RGS6: variants seen among roughly 807,000 people sequenced by gnomAD.
RGS6 encodes the protein regulator of G-protein signaling 6.
In RGS6, 30 loss-of-function variants were observed where a neutral mutation model predicts 78.5. The ratio of observed to expected loss-of-function variants is 0.38; its 90% CI spans 0.29 to 0.52. RGS6 has a LOEUF of 0.52. Among genes scored for constraint, RGS6 ranks in the 20% least tolerant of loss-of-function variants. The probability of loss-of-function intolerance (pLI) is 0.85; values close to 1 mark genes in which losing one functional copy is unlikely to be tolerated. For synonymous variants in RGS6, 206 were observed against 206.0 expected, an observed-to-expected ratio of 1.00 and a Z score of 0.00; for missense variants, 495 against 609.7, an observed-to-expected ratio of 0.81 and a Z score of 1.98.
chr14:72,421,850 A>T (rs1343110127), intron 3 of RGS6: 2 of 152,278 alleles, frequency 1.3e-5, no homozygotes, highest in African/African-American at 4.8e-5. Context: ...GGGCTGCAAG[A>T]AAGACTGGGC....
chr14:72,187,871 C>T (rs2097268328), intron 2 of RGS6, among the ~76,000 whole-genome samples: 1 of 141,908 alleles, frequency 7.0e-6, no homozygotes. Flanking sequence ...TGGTTATTTG[C>T]AGACATGTGT....
intron 2 of RGS6, among the ~76,000 whole-genome samples, chr14:72,170,799 A>G (rs1464205159): frequency 6.6e-6 from 1 of 152,248 alleles, no homozygotes; most frequent in African/African-American, 2.4e-5. Flanking sequence ...CTTAAAGATT[A>G]GCCTCTAAGG....
intron 2 of RGS6, among the ~76,000 whole-genome samples, chr14:72,050,892 C>G (rs2093192177): frequency 6.6e-6 from 1 of 152,156 alleles, no homozygotes; most frequent in South Asian, 2.1e-4. Flanking sequence ...GTCCTGGAAC[C>G]AATCCCCCAA....
At chr14:72,323,257 C>T (rs186763842) in intron 2 of RGS6, among the ~76,000 whole-genome samples, 70 of 152,048 alleles carry the variant, frequency 4.6e-4, no homozygotes, top group Non-Finnish European at 6.2e-4. Flanking sequence ...GAAAATATAA[C>T]TGAAGAGATC....
At chr14:72,360,890 T>G (rs1252482779) in intron 3 of RGS6, among the ~76,000 whole-genome samples, 1 of 152,094 alleles carries the variant, frequency 6.6e-6, no homozygotes. Flanking sequence ...TGGGGGTGGT[T>G]TCCTCCATGC....
At chr14:72,046,823 G>T (rs376352287) in intron 2 of RGS6, among the ~76,000 whole-genome samples, 1 of 152,108 alleles carries the variant, frequency 6.6e-6, no homozygotes, top group African/African-American at 2.4e-5. Context: ...ATGGCTCTTC[G>T]AGTACCAACA....
At chr14:72,141,728 C>A (rs2096541976) in intron 2 of RGS6, among the ~76,000 whole-genome samples, 1 of 151,994 alleles carries the variant, frequency 6.6e-6, no homozygotes, top group East Asian at 1.9e-4. Flanking sequence ...TGGCTGTGTC[C>A]CCAGCTGAGT....
At chr14:72,344,166 C>T (rs1034506302) in intron 2 of RGS6, among the ~76,000 whole-genome samples, 3 of 152,020 alleles carry the variant, frequency 2.0e-5, no homozygotes, top group Non-Finnish European at 4.4e-5. Context: ...GAAGGTCATT[C>T]TTGTCTGCTT....
intron 2 of RGS6, among the ~76,000 whole-genome samples, chr14:71,976,395 A>G (rs36187334): frequency 0.15 from 21,375 of 143,504 alleles, 1,977 homozygotes; most frequent in Non-Finnish European, 0.2. Context: ...ATATCTCCCA[A>G]TGCTATCCCT....
At chr14:72,093,092 C>T (rs755256235) in intron 2 of RGS6, among the ~76,000 whole-genome samples, 2 of 151,902 alleles carry the variant, frequency 1.3e-5, no homozygotes, top group Admixed American at 1.3e-4. Flanking sequence ...CAGCATTCAG[C>T]CCTGGAAGCA....
Position 72,383,473 on chromosome 14 carries a change from C to T in RGS6, c.184+31279C>T, listed in dbSNP as rs566987737. Among the ~76,000 whole-genome samples the T allele has an allele frequency of 1.4e-4, 22 of 152,068 alleles. No individual in the cohort carries two copies. The East Asian group carries it at 3.9e-3, about 27-fold the overall frequency. ...GTATTATTTTGGGTGTTGTGTGTCT[C>T]ACCCACACTGTCAAGATTCTGTAAA... On this transcript the variant is annotated intron_variant, in intron 3 of 17. Transcript: ENST00000553525.
At chr14:71,954,418 A>C (rs530919974) in intron 1 of RGS6, among the ~76,000 whole-genome samples, 96 of 151,656 alleles carry the variant, frequency 6.3e-4, no homozygotes, top group African/African-American at 2.3e-3. Flanking sequence ...TTTCAAGCTC[A>C]TGGAGTCTTA....
At chr14:72,541,031 GTGCACAAGAAAT>G in intron 17 of RGS6, 1 of 1,311,788 alleles carries the variant, frequency 7.6e-7, no homozygotes, top group Non-Finnish European at 1.0e-6. Flanking sequence ...ATTGAGCTCA[GTGCACAAGAAAT>G]ACTCAATCCC....
chr14:71,990,976 A>C, intron 2 of RGS6: 1 of 378,716 alleles, frequency 2.6e-6, no homozygotes, highest in South Asian at 2.0e-5. Flanking sequence ...ATCACTCACC[A>C]CTCTACGCAA....
chr14:72,559,314 A>AAAACT (rs1411441171), intron 17 of RGS6, among the ~76,000 whole-genome samples: 7 of 152,354 alleles, frequency 4.6e-5, no homozygotes, highest in Admixed American at 1.3e-4. Flanking sequence ...TTGATCACTG[A>AAAACT]AAACTACAGG....
chr14:71,923,356 A>C, the RGS6 span, among the ~76,000 whole-genome samples: 2 of 152,240 alleles, frequency 1.3e-5, no homozygotes, highest in Non-Finnish European at 2.9e-5. Context: ...GTATGAATGG[A>C]GCATGGCCTT....
At chr14:72,325,522 A>AT (rs2073492910) in intron 2 of RGS6, among the ~76,000 whole-genome samples, 1 of 152,112 alleles carries the variant, frequency 6.6e-6, no homozygotes, top group African/African-American at 2.4e-5. Flanking sequence ...TCTTGAATTA[A>AT]TTTTTGTATA....
the RGS6 span, among the ~76,000 whole-genome samples, chr14:71,911,265 A>G: frequency 2.0e-4 from 30 of 152,188 alleles, no homozygotes; most frequent in Admixed American, 2.0e-3. Flanking sequence ...AGAGGGTAAC[A>G]GTTTGCTACT....
intron 2 of RGS6, among the ~76,000 whole-genome samples, chr14:72,077,068 C>T (rs1421751366): frequency 2.0e-5 from 3 of 151,286 alleles, no homozygotes; most frequent in Admixed American, 2.0e-4. Flanking sequence ...ATTCCTGTAA[C>T]AGGGCATTAG....
Sources: allele counts gnomAD v4.1 joint callset (sites outside exome capture counted in the v4.1 genomes callset), GRCh38; gene constraint gnomAD v4.1.1; transcripts MANE v1.5; gene names NCBI Gene and HGNC (gene_info 2026-07-23, HGNC 2026-07-21).